Variants in RBFOX2 observed in about 807,000 individuals in gnomAD.
The protein encoded by RBFOX2 is RNA binding fox-1 homolog 2, also known as RNA binding protein fox-1 homolog 2.
A neutral mutation model predicts 49.1 loss-of-function variants in RBFOX2; 10 were observed. The ratio of observed to expected loss-of-function variants is 0.20; its 90% CI spans 0.13 to 0.35. The LOEUF (loss-of-function observed/expected upper bound fraction) is 0.35, where lower values mean the gene tolerates loss of function less well. RBFOX2 is among the 10% of genes least tolerant of loss of function. The pLI is 1.00. For synonymous variants in RBFOX2, 183 were observed against 187.4 expected (o/e 0.98, Z 0.19); for missense variants, 323 against 486.9 (o/e 0.66, Z 3.17).
chr22:35,804,006 G>T (rs1479607042), intron 2 of RBFOX2, among the ~76,000 whole-genome samples: 1 of 152,222 alleles, frequency 6.6e-6, no homozygotes, highest in South Asian at 2.1e-4. Flanking sequence ...TTGGCTGGGC[G>T]CAGTGGCTCA....
chr22:35,979,985 GCCCT>G (rs953754189), intron 1 of RBFOX2, among the ~76,000 whole-genome samples: 8 of 152,094 alleles, frequency 5.3e-5, no homozygotes, highest in African/African-American at 1.9e-4. Flanking sequence ...GACCATCCCT[GCCCT>G]CAAGGAATTC....
chr22:35,875,711 C>CTG, intron 1 of RBFOX2, among the ~76,000 whole-genome samples: 1 of 150,028 alleles, frequency 6.7e-6, no homozygotes, highest in South Asian at 2.1e-4. Context: ...CAGACTACCA[C>CTG]ACAAGAATCT....
intron 1 of RBFOX2, among the ~76,000 whole-genome samples, chr22:35,887,186 G>A (rs1376662056): frequency 2.0e-5 from 3 of 151,876 alleles, no homozygotes; most frequent in Non-Finnish European, 1.5e-5. Flanking sequence ...AATAGTAAAG[G>A]CGGCTTTCCT....
chr22:35,910,255 A>G (rs999224334), intron 1 of RBFOX2, among the ~76,000 whole-genome samples: 1 of 152,236 alleles, frequency 6.6e-6, no homozygotes, highest in Non-Finnish European at 1.5e-5. Flanking sequence ...AATTCATTAT[A>G]TTTTGAAAAG....
rs1433263500 is a variant in RBFOX2, at chr22:35,853,546, TATACAC to T, written c.-33-43548_-33-43543del. On this transcript the variant is annotated intron_variant, in intron 1 of 13. Coordinates refer to the RBFOX2 transcript ENST00000359369. Reference sequence around the variant, plus strand: ...TATAAGTTAGACATGTATGTATATGTATACACATATACGTAATGTATTGGTTGACAT... The same window carrying T: ...TATAAGTTAGACATGTATGTATATGTATATACGTAATGTATTGGTTGACAT... Among the ~76,000 whole-genome samples the T allele has an allele frequency of 3.9e-5, 6 of 152,304 alleles. No individual in the cohort carries two copies. In the South Asian group the frequency reaches 6.2e-4, roughly 16 times the overall value.
intron 2 of RBFOX2, among the ~76,000 whole-genome samples, chr22:35,802,136 T>C (rs1440965303): frequency 1.3e-5 from 2 of 152,120 alleles, no homozygotes; most frequent in African/African-American, 2.4e-5. Context: ...ATAATGTAAA[T>C]ATATGTATAT....
At chr22:36,004,815 C>A (rs921899439) in intron 1 of RBFOX2, among the ~76,000 whole-genome samples, 5 of 152,004 alleles carry the variant, frequency 3.3e-5, no homozygotes, top group Admixed American at 3.3e-4. Flanking sequence ...AAAAGTTAAA[C>A]CATCAGGACC....
chr22:36,015,350 T>C (rs2058993493), intron 1 of RBFOX2, among the ~76,000 whole-genome samples: 1 of 152,198 alleles, frequency 6.6e-6, no homozygotes, highest in Non-Finnish European at 1.5e-5. Context: ...AAACAAGGTG[T>C]GCATAGCATA....
At chr22:36,028,756 C>A (rs1373000407) in exon 1 of RBFOX2, among the ~76,000 whole-genome samples, 1 of 151,880 alleles carries the variant, frequency 6.6e-6, no homozygotes, top group East Asian at 1.9e-4. Context: ...TCCCGGAGCT[C>A]GCCCACCGGC....
chr22:35,950,219 T>C lies in RBFOX2; in HGVS notation c.43-11322A>G, dbSNP rs556883338. Among the ~76,000 whole-genome samples, 4 of 152,062 alleles carry C rather than the reference T, an allele frequency of 2.6e-5. No individual in the cohort carries two copies. The South Asian group carries it at 6.3e-4, about 24-fold the overall frequency. ...CTGAGGATTTAGAATTAAACATCCA[T>C]TCCATCTATATACTGGTTATCAATT... On this transcript the variant is annotated intron_variant, in intron 1 of 5. Coordinates refer to the RBFOX2 transcript ENST00000408983.
intron 1 of RBFOX2, among the ~76,000 whole-genome samples, chr22:35,945,267 G>A (rs2054149929): frequency 1.3e-5 from 2 of 152,140 alleles, no homozygotes; most frequent in African/African-American, 2.4e-5. Context: ...AAATCAAGTT[G>A]CTCAGGATGT....
At chr22:35,849,717 C>CA (rs1463091237) in intron 1 of RBFOX2, among the ~76,000 whole-genome samples, 3 of 152,058 alleles carry the variant, frequency 2.0e-5, no homozygotes, top group Non-Finnish European at 2.9e-5. Context: ...TAGGTAGCAC[C>CA]AAAAAAATCC....
chr22:35,985,187 T>C (rs1400811292), intron 1 of RBFOX2, among the ~76,000 whole-genome samples: 1 of 152,134 alleles, frequency 6.6e-6, no homozygotes, highest in African/African-American at 2.4e-5. Flanking sequence ...ACAGACACAA[T>C]GAATATTTTG....
chr22:36,023,075 A>C (rs751897402), intron 1 of RBFOX2, among the ~76,000 whole-genome samples: 5 of 151,972 alleles, frequency 3.3e-5, no homozygotes, highest in Admixed American at 2.0e-4. Context: ...AAGAAAAAAA[A>C]AACACAATAT....
At chr22:35,933,590 C>A (rs2052669751) in intron 1 of RBFOX2, among the ~76,000 whole-genome samples, 1 of 152,088 alleles carries the variant, frequency 6.6e-6, no homozygotes. Flanking sequence ...ACCGAGTTGA[C>A]TCTAAAACAA....
At chr22:35,840,504 T>C in exon 1 of RBFOX2, 6 of 1,282,182 alleles carry the variant, frequency 4.7e-6, no homozygotes, top group Non-Finnish European at 6.0e-6. Context: ...TTAATCAGAG[T>C]AGAGCCCCAC....
chr22:35,791,222 T>C (rs1236124190), intron 2 of RBFOX2, among the ~76,000 whole-genome samples: 1 of 151,494 alleles, frequency 6.6e-6, no homozygotes, highest in East Asian at 1.9e-4. Flanking sequence ...TCGTCTCCAC[T>C]AAAAATACAA....
upstream of RBFOX2, among the ~76,000 whole-genome samples, chr22:35,939,579 G>T (rs1164432030): frequency 2.0e-5 from 3 of 151,986 alleles, no homozygotes; most frequent in East Asian, 5.8e-4. Flanking sequence ...TACTTGTGCA[G>T]CTTACTTTTT....
Position 35,744,263 on chromosome 22 carries a change from A to G in RBFOX2, c.1050-14T>C. The stretch of plus-strand genomic sequence containing the variant: ...GTATAAACTCGCCTGCAGTAATTAA[A>G]GAGATAAAAATAATTAAAAGGTTGA... On this transcript the variant is annotated splice_polypyrimidine_tract_variant and intron_variant, in intron 11 of 11. Transcript: ENST00000405409. 6.2e-7 allele frequency: 1 copy of G among 1,606,526 alleles called. No homozygotes were observed.
Sources: gnomAD v4.1 joint callset for allele counts (sites outside exome capture counted in the v4.1 genomes callset) on GRCh38, gnomAD v4.1.1 for gene constraint, MANE v1.5 for transcripts, NCBI Gene and HGNC (gene_info 2026-07-23, HGNC 2026-07-21) for gene names.